The following SUGT1 variants were observed in gnomAD, a reference collection of about 807,000 sequenced individuals.
SUGT1 encodes the protein protein SGT1 homolog.
A neutral mutation model predicts 56.1 loss-of-function variants in SUGT1; 15 were observed. That is an observed-to-expected ratio of 0.27 (90% CI 0.18 to 0.41). The LOEUF is 0.41. SUGT1 is among the 10% of genes least tolerant of loss of function. SUGT1 has a pLI of 1.00. For missense variants in SUGT1, 347 were observed against 382.2 expected (o/e 0.91, Z 0.77); for synonymous variants, 123 against 128.6 (o/e 0.96, Z 0.30).
At chr13:52,661,744 A>G (rs1482673671) in intron 5 of SUGT1, among the ~76,000 whole-genome samples, 1 of 152,222 alleles carries the variant, frequency 6.6e-6, no homozygotes, top group Non-Finnish European at 1.5e-5. Flanking sequence ...TCTTTTTGAT[A>G]TAATAGATTT....
rs181589393 is a variant in SUGT1, at chr13:52,697,920, G to C, written c.*10085G>C. ...GGTGGTGGAAAGAAGCCCTCAGCCT[G>C]AATACTCAACTTATGTCTGCCGTTT... On this transcript the variant is annotated 3_prime_UTR_variant, in exon 13 of 13. Transcript: ENST00000310528. 5 of 152,292 alleles carry C rather than the reference G, an allele frequency of 3.3e-5. No individual in the cohort carries two copies. Among genetic ancestry groups the C allele is most frequent in the South Asian group, 2.1e-4 (1 of 4,816 alleles). 9.4% of individuals were successfully genotyped at this position (152,292 alleles called of 1,614,324 possible). A position where few individuals can be genotyped will look rare whatever the true frequency, so the allele number is the denominator to read the frequency against.
chr13:52,653,384 G>A (rs568933042), intron 2 of SUGT1, among the ~76,000 whole-genome samples: 870 of 4,296 alleles, frequency 0.2, 11 homozygotes, highest in African/African-American at 0.27. Context: ...TTGGCTGAAA[G>A]GATTTTTTTT....
chr13:52,661,863 G>A (rs964341037), intron 5 of SUGT1, among the ~76,000 whole-genome samples: 1 of 152,018 alleles, frequency 6.6e-6, no homozygotes, highest in African/African-American at 2.4e-5. Context: ...AGAAATTTTT[G>A]TTAAGAAATT....
chr13:52,678,853 A>AT (rs200247589), intron 11 of SUGT1, among the ~76,000 whole-genome samples: 2,578 of 149,208 alleles, frequency 0.017, 82 homozygotes, highest in African/African-American at 0.059. Flanking sequence ...AATTATTATT[A>AT]TTTTTTTTTC....
At chr13:52,678,681 GTTTT>G (rs11325152) in intron 11 of SUGT1, among the ~76,000 whole-genome samples, 1 of 141,752 alleles carries the variant, frequency 7.1e-6, no homozygotes, top group Non-Finnish European at 1.5e-5. Context: ...TTTTTTGTTG[GTTTT>G]TTTTTTTTTT....
intron 2 of SUGT1, 42 bp downstream of exon 2, chr13:52,653,145 A>G: frequency 1.2e-6 from 2 of 1,612,438 alleles, no homozygotes; most frequent in Non-Finnish European, 1.7e-6. Context: ...TTCTTAGGGG[A>G]GCTGGGCCAC....
chr13:52,659,720 T>C (rs568282118), intron 5 of SUGT1, among the ~76,000 whole-genome samples: 9 of 148,922 alleles, frequency 6.0e-5, no homozygotes, highest in Admixed American at 4.1e-4. Flanking sequence ...TGTTATATTC[T>C]TGAGGGAATA....
In SUGT1 at chr13:52,653,246, T is replaced by C. The variant is rs546772892; in HGVS notation, c.96+143T>C. 44 of 1,017,286 alleles carry C rather than the reference T, an allele frequency of 4.3e-5. 1 individual carries two copies. The East Asian group carries it at 1.0e-3, about 23-fold the overall frequency. 63.0% of individuals were successfully genotyped at this position (1,017,286 alleles called of 1,614,324 possible). A position where few individuals can be genotyped will look rare whatever the true frequency, so the allele number is the denominator to read the frequency against. On this transcript the variant is annotated intron_variant, in intron 2 of 12. Transcript: ENST00000310528. ...CTGCGTCTCAGCTCCGGTATTGAGA[T>C]TCTCCGTCTCTTTTCTCTGTTACAC... is the stretch of plus-strand genomic sequence containing the variant.
At position 52,691,313 on chromosome 13, in the gene SUGT1, G is replaced by A. The variant is rs1363647424; in HGVS notation, c.*3478G>A. On this transcript the variant is annotated 3_prime_UTR_variant, in exon 13 of 13. Transcript: ENST00000310528. Reference sequence around the variant, plus strand: ...ACTTCAAGTAAATATTTAAAATGGAGATACATCACAATGCTATTATGAATA... The same window carrying A: ...ACTTCAAGTAAATATTTAAAATGGAAATACATCACAATGCTATTATGAATA... 1 of 152,078 alleles carries A rather than the reference G, an allele frequency of 6.6e-6. No individual in the cohort carries two copies. Among genetic ancestry groups the A allele is most frequent in the East Asian group, 1.9e-4 (1 of 5,198 alleles). 9.4% of individuals were successfully genotyped at this position (152,078 alleles called of 1,614,324 possible).
chr13:52,658,332 T>G, intron 3 of SUGT1, 67 bp from the exon 4 acceptor site: 1 of 1,591,950 alleles, frequency 6.3e-7, no homozygotes, highest in Non-Finnish European at 8.5e-7. Context: ...TAAAACTGAT[T>G]CATATGTTGT....
intron 12 of SUGT1, among the ~76,000 whole-genome samples, chr13:52,682,615 CT>C (rs1176328048): frequency 1.3e-5 from 2 of 152,204 alleles, no homozygotes; most frequent in African/African-American, 4.8e-5. Context: ...TGGCACCTAT[CT>C]TTTCTCATTG....
rs183761882 is a variant in SUGT1 at position 52,665,897 on chromosome 13, G to A, written c.519+164G>A. 2.1e-3 allele frequency among the ~76,000 whole-genome samples: 315 copies of A among 152,320 alleles called. 2 individuals are homozygous for A. The highest frequency in any genetic ancestry group is 7.4e-3 in the African/African-American group (309 of 41,576). Reference sequence around the variant, plus strand: ...AGCCATTGCTTTGAGGTAAGAATATGTATGTTGGTAAATTATAGCTGGATG... The same window carrying A: ...AGCCATTGCTTTGAGGTAAGAATATATATGTTGGTAAATTATAGCTGGATG... On this transcript the variant is annotated intron_variant, in intron 9 of 12. Transcript: ENST00000310528.
chr13:52,695,067 G>A lies in SUGT1; in HGVS notation c.*7232G>A, dbSNP rs1200592059. On this transcript the variant is annotated 3_prime_UTR_variant, in exon 13 of 13. Transcript: ENST00000310528. ...ATGAATCAGTGTGGAGCATATACAA[G>A]TGTGTAGACATTAATATGGGCTCAC... 1 of 152,176 alleles carries A rather than the reference G, an allele frequency of 6.6e-6. No homozygotes were observed. The highest frequency in any genetic ancestry group is 2.4e-5 in the African/African-American group (1 of 41,452). 9.4% of individuals were successfully genotyped at this position (152,176 alleles called of 1,614,324 possible).
rs1253044971 is a variant in SUGT1, at chr13:52,687,853, C to T, written c.*18C>T. On this transcript the variant is annotated 3_prime_UTR_variant, in exon 13 of 13. Coordinates refer to ENST00000310528, the MANE Select transcript of SUGT1 (RefSeq NM_006704.5). The stretch of plus-strand genomic sequence containing the variant: ...AGTACTAAATAAATTAATTTGCTCT[C>T]ATCGTATTGTGTATATTCACCTAAT... 6.5e-7 allele frequency: 1 copy of T among 1,542,578 alleles called. No individual in the cohort carries two copies. The highest frequency in any genetic ancestry group is 8.8e-7 in the Non-Finnish European group (1 of 1,135,732).
At position 52,700,218 on chromosome 13, in the gene SUGT1, CAAAT is replaced by C. The variant is rs1964042832; in HGVS notation, c.*12387_*12390del. The C allele has an allele frequency of 6.6e-6, 1 of 152,050 alleles. No individual in the cohort carries two copies. The highest frequency in any genetic ancestry group is 1.5e-5 in the Non-Finnish European group (1 of 68,006). 9.4% of individuals were successfully genotyped at this position (152,050 alleles called of 1,614,324 possible). On this transcript the variant is annotated 3_prime_UTR_variant, in exon 13 of 13. Coordinates refer to ENST00000310528, the MANE Select transcript of SUGT1 (RefSeq NM_006704.5). ...TTATTCCTCTGTGATAACATACACC[CAAAT>C]AAAGACTGCTATGTATTTGACTTTA...
At chr13:52,653,296 T>C (rs546814102) in intron 2 of SUGT1, among the ~76,000 whole-genome samples, 193 bp downstream of exon 2, 13 of 152,148 alleles carry the variant, frequency 8.5e-5, no homozygotes, top group Non-Finnish European at 1.9e-4. Flanking sequence ...CCCAGACTCC[T>C]GTCTTGCCCT....
intron 11 of SUGT1, 101 bp downstream of exon 11, chr13:52,676,421 C>T: frequency 9.9e-7 from 1 of 1,008,964 alleles, no homozygotes. Flanking sequence ...TTTATGTTCT[C>T]AAGATAAGAT....
rs1042916620 is a variant in SUGT1, at chr13:52,687,944, C to T, written c.*109C>T. 1.6e-6 allele frequency: 1 copy of T among 607,648 alleles called. No individual in the cohort carries two copies. Among genetic ancestry groups the T allele is most frequent in the African/African-American group, 1.9e-5 (1 of 52,078 alleles). 37.6% of individuals were successfully genotyped at this position (607,648 alleles called of 1,614,324 possible). A position where few individuals can be genotyped will look rare whatever the true frequency, so the allele number is the denominator to read the frequency against. On this transcript the variant is annotated 3_prime_UTR_variant, in exon 13 of 13. Coordinates refer to ENST00000310528, the MANE Select transcript of SUGT1 (RefSeq NM_006704.5). ...CTGAATATCTTTTTGAAAGATTATA[C>T]TTCTTTACCTCTTTGTGCTTTAGAA...
intron 11 of SUGT1, among the ~76,000 whole-genome samples, chr13:52,677,033 T>A (rs1963173708): frequency 6.6e-6 from 1 of 152,228 alleles, no homozygotes; most frequent in Non-Finnish European, 1.5e-5. Flanking sequence ...GGAAATTTCT[T>A]TTTATTGGAA....
Sources: allele counts gnomAD v4.1 joint callset (sites outside exome capture counted in the v4.1 genomes callset), GRCh38; gene constraint gnomAD v4.1.1; transcripts MANE v1.5; gene names NCBI Gene and HGNC (gene_info 2026-07-23, HGNC 2026-07-21).